OSBP2: variants seen among roughly 807,000 people sequenced by gnomAD.
The protein encoded by OSBP2 is oxysterol binding protein 2.
In OSBP2, 66 loss-of-function variants were observed where a neutral mutation model predicts 96.0. That is an observed-to-expected ratio of 0.69 (90% CI 0.56 to 0.84). OSBP2 has a LOEUF of 0.84. OSBP2 is among the 40% of genes least tolerant of loss of function. OSBP2 has a pLI of 0.00. For synonymous variants in OSBP2, 525 were observed against 520.9 expected, an observed-to-expected ratio of 1.01 and a Z score of -0.11; for missense variants, 1,038 against 1,222.7, an observed-to-expected ratio of 0.85 and a Z score of 2.25.
At chr22:30,765,382 G>C (rs1180410862) in intron 2 of OSBP2, among the ~76,000 whole-genome samples, 2 of 151,872 alleles carry the variant, frequency 1.3e-5, no homozygotes, top group Non-Finnish European at 2.9e-5. Flanking sequence ...GCTAATTTTT[G>C]TGTTTTTAGT....
At chr22:30,901,614 C>T (rs745517385) in intron 12 of OSBP2, among the ~76,000 whole-genome samples, 1 of 152,148 alleles carries the variant, frequency 6.6e-6, no homozygotes, top group Non-Finnish European at 1.5e-5. Context: ...CCTGTAATCC[C>T]AGCACTTTGG....
chr22:30,695,018 C>T lies in OSBP2; in HGVS notation c.109C>T (p.Pro37Ser), dbSNP rs1436074330. ...CTGCCTGTCGTGCCACACGGCGGCG[C>T]CGGGCATGAGCGCTTCCACGTCCGG... ...VPCLSCHTAA[P>S]GMSASTSGSG... The change falls in exon 1 of 14, where the codon CCG (proline) becomes TCG (serine). Residue 37 changes from proline to serine, a missense_variant. By Grantham distance (74) the Pro-to-Ser change is moderately conservative. Around this residue, in one of 3 missense-constraint regions of OSBP2, gnomAD observed 281 missense variants for 273.4 expected, o/e 1.03. Transcript: ENST00000332585. 6.3e-7 allele frequency: 1 copy of T among 1,583,990 alleles called. No individual in the cohort carries two copies.
chr22:30,730,475 A>C (rs2089731228), intron 1 of OSBP2, among the ~76,000 whole-genome samples: 1 of 152,016 alleles, frequency 6.6e-6, no homozygotes, highest in South Asian at 2.1e-4. Context: ...GAGGCCAGAA[A>C]GATGTGTCGT....
chr22:30,760,944 T>A (rs931364070), intron 2 of OSBP2, among the ~76,000 whole-genome samples: 5 of 152,156 alleles, frequency 3.3e-5, no homozygotes, highest in Non-Finnish European at 7.4e-5. Context: ...TTATTCATGG[T>A]AAAAACTCTC....
At chr22:30,803,140 G>A (rs2090878395) in intron 2 of OSBP2, 1 of 189,792 alleles carries the variant, frequency 5.3e-6, no homozygotes, top group South Asian at 9.2e-5. Context: ...CAGCCTCGGG[G>A]CAGGACCCAC....
At chr22:30,826,398 C>A (rs1287816128) in intron 2 of OSBP2, among the ~76,000 whole-genome samples, 1 of 152,200 alleles carries the variant, frequency 6.6e-6, no homozygotes, top group Non-Finnish European at 1.5e-5. Flanking sequence ...TCATAGCATG[C>A]CCAGTCCAGC....
At position 30,907,590 on chromosome 22, in the gene OSBP2, GTCTT is replaced by G. The variant is rs1037980712; in HGVS notation, c.*1259_*1262del. 3 of 152,044 alleles carry G rather than the reference GTCTT, an allele frequency of 2.0e-5. No individual in the cohort carries two copies. Among genetic ancestry groups the G allele is most frequent in the African/African-American group, 7.3e-5 (3 of 41,232 alleles). The allele number at this position is 152,044 out of a possible 1,614,324, so 9.4% of individuals were successfully genotyped here. ...TTTAGTCCTAAAAGTTCATCACAGG[GTCTT>G]TCTTTCTACTCCAGGACTGGTTTTG... On this transcript the variant is annotated 3_prime_UTR_variant, in exon 14 of 14. Coordinates refer to ENST00000332585, the MANE Select transcript of OSBP2 (RefSeq NM_030758.4).
At chr22:30,860,845 G>A (rs1488732279) in intron 2 of OSBP2, among the ~76,000 whole-genome samples, 1 of 152,212 alleles carries the variant, frequency 6.6e-6, no homozygotes, top group Non-Finnish European at 1.5e-5. Flanking sequence ...TGCCAGAATT[G>A]GAGCAGGCAC....
chr22:30,887,722 T>C (rs1240719118), intron 4 of OSBP2, 104 bp downstream of exon 4: 4 of 1,051,382 alleles, frequency 3.8e-6, no homozygotes, highest in East Asian at 5.2e-5. Context: ...TGTGCCCACA[T>C]GTGGGCTGGC....
At chr22:30,725,092 C>T (rs553793114) in intron 1 of OSBP2, among the ~76,000 whole-genome samples, 1 of 149,648 alleles carries the variant, frequency 6.7e-6, no homozygotes, top group East Asian at 2.0e-4. Context: ...AGGAGAATGG[C>T]GTGAACCCAG....
At chr22:30,804,457 G>A (rs2090899424) in intron 2 of OSBP2, among the ~76,000 whole-genome samples, 2 of 152,186 alleles carry the variant, frequency 1.3e-5, no homozygotes, top group African/African-American at 2.4e-5. Flanking sequence ...TGATGGTGCC[G>A]ATGAAATGAA....
intron 1 of OSBP2, among the ~76,000 whole-genome samples, chr22:30,732,184 G>C (rs1435246653): frequency 2.0e-5 from 3 of 152,082 alleles, no homozygotes; most frequent in Admixed American, 2.0e-4. Context: ...GGTGCCTATA[G>C]TCCCAGCTAC....
chr22:30,697,461 T>C (rs2089065701), intron 1 of OSBP2, among the ~76,000 whole-genome samples: 1 of 152,144 alleles, frequency 6.6e-6, no homozygotes, highest in African/African-American at 2.4e-5. Flanking sequence ...GTATTTTTAG[T>C]AGAGGCGGGG....
chr22:30,786,359 T>C (rs1376062015), intron 2 of OSBP2, among the ~76,000 whole-genome samples: 3 of 152,056 alleles, frequency 2.0e-5, no homozygotes, highest in Non-Finnish European at 4.4e-5. Flanking sequence ...ATATTTACAA[T>C]AAATATTGAC....
At chr22:30,893,350 T>C (rs2039995474) in intron 9 of OSBP2, 108 bp downstream of exon 9, 1 of 1,540,500 alleles carries the variant, frequency 6.5e-7, no homozygotes, top group African/African-American at 1.4e-5. Context: ...GACCTCCCTG[T>C]AGGCCTGCCT....
chr22:30,771,515 C>A (rs1047810080), intron 2 of OSBP2, among the ~76,000 whole-genome samples: 5 of 152,134 alleles, frequency 3.3e-5, no homozygotes, highest in South Asian at 4.1e-4. Context: ...CACAGTGGCA[C>A]CTGCAGCCCA....
At chr22:30,728,688 G>C (rs1030351842) in intron 1 of OSBP2, among the ~76,000 whole-genome samples, 2 of 152,070 alleles carry the variant, frequency 1.3e-5, no homozygotes, top group African/African-American at 4.8e-5. Context: ...TATAGAGACA[G>C]GTTTTGCTTT....
chr22:30,831,716 G>T (rs1486809118), intron 2 of OSBP2, among the ~76,000 whole-genome samples: 2 of 152,116 alleles, frequency 1.3e-5, no homozygotes, highest in Admixed American at 6.6e-5. Context: ...CTAGTGGGAG[G>T]TGGCTCACTT....
rs776880313 is a variant in OSBP2 at position 30,905,871 on chromosome 22, C to A, written c.2410C>A (p.Leu804Met). Residue 804 changes from leucine (L) to methionine (M), a missense_variant, in exon 13 of 14, where the codon CTG becomes ATG. Leu to Met is a conservative substitution (Grantham distance 15, BLOSUM62 2). This residue lies in a region of OSBP2 where 737 missense variants were observed against 913.3 expected (regional missense o/e 0.81). Transcript: ENST00000332585. ...GGAGAACATGTACTACTTCTCAGAG[C>A]TGGCCCTGACCCTCAACGAGCACGA... ...NAENMYYFSE[L>M]ALTLNEHEEG... 2.5e-6 allele frequency: 4 copies of A among 1,613,440 alleles called. No individual in the cohort carries two copies. The highest frequency in any genetic ancestry group is 2.5e-6 in the Non-Finnish European group (3 of 1,179,718).
Sources: gnomAD v4.1 joint callset for allele counts (sites outside exome capture counted in the v4.1 genomes callset) on GRCh38, gnomAD v4.1.1 for gene constraint, gnomAD v4.1.1 regional missense constraint, MANE v1.5 for transcripts, NCBI Gene and HGNC (gene_info 2026-07-23, HGNC 2026-07-21) for gene names.